HECW1: variants seen among roughly 807,000 people sequenced by gnomAD.
HECW1 encodes the protein E3 ubiquitin-protein ligase HECW1.
In HECW1, 61 loss-of-function variants were observed where a neutral mutation model predicts 182.3. The observed-to-expected ratio is 0.33, with a 90% CI of 0.27 to 0.41. The LOEUF is 0.41. Ranked by LOEUF, HECW1 falls within the 10% of genes least tolerant of loss-of-function variation. The probability of loss-of-function intolerance (pLI) is 1.00; values close to 1 mark genes in which losing one functional copy is unlikely to be tolerated. For missense variants in HECW1, 1,739 were observed against 2,108.9 expected (o/e 0.82, Z 3.44); for synonymous variants, 859 against 832.6 (o/e 1.03, Z -0.55).
At chr7:43,300,385 AGGGAAGGAACCT>A (rs1554346413) in intron 3 of HECW1, among the ~76,000 whole-genome samples, 2 of 152,218 alleles carry the variant, frequency 1.3e-5, no homozygotes, top group Non-Finnish European at 2.9e-5. Flanking sequence ...GAGTGATGAC[AGGGAAGGAACCT>A]GGGAAGGAAC....
At chr7:43,425,174 A>T (rs1487819723) in intron 8 of HECW1, among the ~76,000 whole-genome samples, 1 of 152,148 alleles carries the variant, frequency 6.6e-6, no homozygotes. Flanking sequence ...CAGCTAATAC[A>T]ATCAAGGACA....
At chr7:43,507,994 C>A in intron 22 of HECW1, 24 bp from the exon 23 acceptor site, 1 of 1,568,278 alleles carries the variant, frequency 6.4e-7, no homozygotes, top group Non-Finnish European at 8.8e-7. Flanking sequence ...AGGGCCACTG[C>A]TCACCACCCC....
chr7:43,464,119 T>C (rs1243613067), intron 14 of HECW1, among the ~76,000 whole-genome samples: 1 of 152,270 alleles, frequency 6.6e-6, no homozygotes, highest in Non-Finnish European at 1.5e-5. Context: ...AAGGCAACTT[T>C]GTCAGTGGCT....
At chr7:43,348,297 G>A (rs946476374) in intron 5 of HECW1, among the ~76,000 whole-genome samples, 4 of 152,054 alleles carry the variant, frequency 2.6e-5, no homozygotes, top group Admixed American at 2.6e-4. Context: ...TAGTTTATGT[G>A]CATAAAGGTG....
chr7:43,423,633 G>C (rs2076265441), intron 8 of HECW1, among the ~76,000 whole-genome samples: 1 of 152,190 alleles, frequency 6.6e-6, no homozygotes, highest in African/African-American at 2.4e-5. Flanking sequence ...AGAGTGAGCT[G>C]GGCAAGGGGT....
intron 17 of HECW1, among the ~76,000 whole-genome samples, chr7:43,488,462 A>AAG (rs1167319081): frequency 1.9e-4 from 28 of 150,418 alleles, no homozygotes; most frequent in African/African-American, 6.4e-4. Context: ...GAAAGAAAGA[A>AAG]AGAAAGAAAG....
At chr7:43,482,312 G>A (rs985652115) in intron 17 of HECW1, among the ~76,000 whole-genome samples, 9 of 152,214 alleles carry the variant, frequency 5.9e-5, no homozygotes, top group Non-Finnish European at 1.2e-4. Flanking sequence ...TAAGGAGACA[G>A]AGGGACTCTG....
chr7:43,181,211 T>A (rs1792832946), intron 2 of HECW1, among the ~76,000 whole-genome samples: 1 of 150,932 alleles, frequency 6.6e-6, no homozygotes, highest in South Asian at 2.1e-4. Context: ...AGTATTTCAT[T>A]GTGTATATAT....
chr7:43,355,688 G>A (rs915893052), intron 5 of HECW1, among the ~76,000 whole-genome samples: 5 of 151,950 alleles, frequency 3.3e-5, no homozygotes, highest in Non-Finnish European at 5.9e-5. Context: ...AAAAGGAAGA[G>A]AGCAGTTAAA....
intron 3 of HECW1, among the ~76,000 whole-genome samples, chr7:43,299,648 T>C (rs1356620903): frequency 1.3e-5 from 2 of 152,200 alleles, no homozygotes; most frequent in Non-Finnish European, 2.9e-5. Flanking sequence ...CTGTTAAATA[T>C]GTTAAAGAAT....
intron 14 of HECW1, among the ~76,000 whole-genome samples, chr7:43,465,086 G>A (rs2077718593): frequency 6.6e-6 from 1 of 152,138 alleles, no homozygotes; most frequent in Non-Finnish European, 1.5e-5. Context: ...ACAGGCACGA[G>A]ACATCACACC....
intron 3 of HECW1, among the ~76,000 whole-genome samples, chr7:43,256,524 G>A (rs551544429): frequency 6.6e-6 from 1 of 150,922 alleles, no homozygotes; most frequent in African/African-American, 2.4e-5. Flanking sequence ...CAGGAGAATC[G>A]CTTGAACCTG....
intron 2 of HECW1, among the ~76,000 whole-genome samples, chr7:43,170,102 C>T (rs1051658959): frequency 4.6e-5 from 7 of 152,152 alleles, no homozygotes; most frequent in Admixed American, 2.0e-4. Flanking sequence ...CAAGCATTAC[C>T]GCTTGAGCTC....
At chr7:43,391,571 T>C (rs1420330303) in intron 6 of HECW1, among the ~76,000 whole-genome samples, 1 of 152,226 alleles carries the variant, frequency 6.6e-6, no homozygotes, top group Non-Finnish European at 1.5e-5. Context: ...CTTCTTAGTC[T>C]TTATCTCAAG....
chr7:43,139,582 G>T (rs1005450644), intron 2 of HECW1, among the ~76,000 whole-genome samples: 14 of 152,076 alleles, frequency 9.2e-5, no homozygotes, highest in South Asian at 8.3e-4. Flanking sequence ...CACATGATTC[G>T]TGCCATTTTA....
intron 29 of HECW1, among the ~76,000 whole-genome samples, chr7:43,558,455 A>G (rs1410206044): frequency 6.6e-6 from 1 of 152,188 alleles, no homozygotes; most frequent in Non-Finnish European, 1.5e-5. Context: ...TTTACTCTGT[A>G]GCAGTGATTC....
intron 14 of HECW1, among the ~76,000 whole-genome samples, chr7:43,465,597 A>C (rs1018328571): frequency 1.3e-5 from 2 of 152,228 alleles, no homozygotes; most frequent in African/African-American, 4.8e-5. Flanking sequence ...ACAAGGCACA[A>C]GGCCAGCCCC....
intron 3 of HECW1, among the ~76,000 whole-genome samples, chr7:43,289,264 G>A (rs1186147220): frequency 2.6e-5 from 4 of 152,020 alleles, no homozygotes; most frequent in Non-Finnish European, 5.9e-5. Flanking sequence ...GTGCCACCAC[G>A]CCCAGCTAAT....
intron 11 of HECW1, among the ~76,000 whole-genome samples, chr7:43,450,249 A>G (rs2077187767): frequency 6.7e-6 from 1 of 150,142 alleles, no homozygotes; most frequent in African/African-American, 2.5e-5. Context: ...CCCCTCCCCA[A>G]CCCCCCAACC....
Sources: gnomAD v4.1 joint callset for allele counts (sites outside exome capture counted in the v4.1 genomes callset) on GRCh38, gnomAD v4.1.1 for gene constraint, MANE v1.5 for transcripts, NCBI Gene and HGNC (gene_info 2026-07-23, HGNC 2026-07-21) for gene names.